Variants in SOHLH2 observed in about 807,000 individuals in gnomAD.
SOHLH2 encodes spermatogenesis and oogenesis specific basic helix-loop-helix 2, also known as spermatogenesis- and oogenesis-specific basic helix-loop-helix-containing protein 2.
SOHLH2 carries 22 observed loss-of-function variants against 50.4 expected under a neutral mutation model. The observed-to-expected ratio is 0.44, with a 90% CI of 0.31 to 0.62. SOHLH2 has a LOEUF of 0.62. Ranked by LOEUF, SOHLH2 falls within the 20% of genes least tolerant of loss-of-function variation. SOHLH2 has a pLI of 0.08. For missense variants in SOHLH2, 412 were observed against 504.4 expected, an observed-to-expected ratio of 0.82 and a Z score of 1.76; for synonymous variants, 185 against 187.3, an observed-to-expected ratio of 0.99 and a Z score of 0.10.
At chr13:36,195,686 G>A (rs751837092) in intron 2 of SOHLH2, among the ~76,000 whole-genome samples, 11 of 152,162 alleles carry the variant, frequency 7.2e-5, no homozygotes, top group Non-Finnish European at 8.8e-5. Flanking sequence ...TAAGGAAAGC[G>A]GGCATACCCG....
chr13:36,203,603 C>T (rs913110265), intron 1 of SOHLH2, among the ~76,000 whole-genome samples: 1 of 152,064 alleles, frequency 6.6e-6, no homozygotes, highest in East Asian at 1.9e-4. Flanking sequence ...TTTGCATACT[C>T]CAAAGGATAC....
intron 2 of SOHLH2, among the ~76,000 whole-genome samples, chr13:36,198,200 G>A (rs1049805522): frequency 6.6e-6 from 1 of 152,200 alleles, no homozygotes; most frequent in Non-Finnish European, 1.5e-5. Context: ...CTTTTCTGTT[G>A]CTAAACTGCT....
At chr13:36,208,995 T>C (rs2138331736) in intron 1 of SOHLH2, among the ~76,000 whole-genome samples, 1 of 152,320 alleles carries the variant, frequency 6.6e-6, no homozygotes, top group African/African-American at 2.4e-5. Context: ...AGTATATATC[T>C]TATTCATCCT....
intron 2 of SOHLH2, among the ~76,000 whole-genome samples, chr13:36,199,134 C>T (rs1304443054): frequency 6.6e-6 from 1 of 152,168 alleles, no homozygotes; most frequent in South Asian, 2.1e-4. Context: ...ACAAATGGGG[C>T]AGTACATGTA....
chr13:36,211,962 C>G (rs529048949), intron 1 of SOHLH2, among the ~76,000 whole-genome samples: 1 of 152,280 alleles, frequency 6.6e-6, no homozygotes, highest in South Asian at 2.1e-4. Context: ...TAGAAATCAA[C>G]TGCCTAGCTT....
chr13:36,203,728 T>C (rs1179697254), intron 1 of SOHLH2, among the ~76,000 whole-genome samples: 1 of 152,190 alleles, frequency 6.6e-6, no homozygotes, highest in African/African-American at 2.4e-5. Flanking sequence ...AAAAATCTTA[T>C]CCTTTTTATT....
chr13:36,191,721 C>T, intron 5 of SOHLH2, 74 bp downstream of exon 5: 1 of 1,581,172 alleles, frequency 6.3e-7, no homozygotes, highest in South Asian at 1.1e-5. Flanking sequence ...TGCTGCACCC[C>T]TCTTCCACAA....
At chr13:36,178,053 C>T (rs1048259847) in intron 6 of SOHLH2, among the ~76,000 whole-genome samples, 5 of 151,486 alleles carry the variant, frequency 3.3e-5, no homozygotes, top group South Asian at 2.1e-4. Context: ...AGTCAATAGA[C>T]GTGAGTCTAT....
At chr13:36,189,873 C>T (rs1036558250) in intron 6 of SOHLH2, 73 bp downstream of exon 6, 7 of 1,392,628 alleles carry the variant, frequency 5.0e-6, no homozygotes, top group Admixed American at 2.5e-5. Context: ...AATAATACTA[C>T]AAAAAATTAT....
At chr13:36,214,330 T>A in intron 1 of SOHLH2, 149 bp downstream of exon 1, 1 of 994,798 alleles carries the variant, frequency 1.0e-6, no homozygotes, top group Non-Finnish European at 1.4e-6. Context: ...ACTCGCGTCC[T>A]GGAAGGGGCC....
In SOHLH2 at chr13:36,169,057, G is replaced by A. The variant is rs778190453; in HGVS notation, c.1258-3C>T. 6.2e-7 allele frequency: 1 copy of A among 1,605,784 alleles called. No homozygotes were observed. The highest frequency in any genetic ancestry group is 1.1e-5 in the South Asian group (1 of 89,490). ...TTTTAATACGCCCAAAACTGTTGCT[G>A]CAAAGAAGGGGGAAAAACCCACATT... On this transcript the variant is annotated splice_polypyrimidine_tract_variant and splice_region_variant and intron_variant, in intron 10 of 10. Coordinates refer to ENST00000379881, the MANE Select transcript of SOHLH2 (RefSeq NM_017826.3).
intron 6 of SOHLH2, chr13:36,182,300 AG>A: frequency 1.0e-6 from 1 of 985,256 alleles, no homozygotes; most frequent in East Asian, 1.1e-4. Context: ...TGGGTTAAAA[AG>A]ATAAGAGTTA....
At chr13:36,180,782 T>A (rs1174206556) in intron 6 of SOHLH2, among the ~76,000 whole-genome samples, 15 of 152,160 alleles carry the variant, frequency 9.9e-5, no homozygotes, top group Admixed American at 9.8e-4. Flanking sequence ...GCTTCTTATA[T>A]CCCCACCGGT....
chr13:36,200,330 G>A (rs145539930), intron 2 of SOHLH2, among the ~76,000 whole-genome samples: 1 of 152,210 alleles, frequency 6.6e-6, no homozygotes, highest in African/African-American at 2.4e-5. Context: ...GAGGTAGATA[G>A]TTTGCCTGAT....
intron 2 of SOHLH2, among the ~76,000 whole-genome samples, chr13:36,194,186 A>G (rs1475625726): frequency 6.6e-6 from 1 of 152,008 alleles, no homozygotes; most frequent in Non-Finnish European, 1.5e-5. Flanking sequence ...AGAATCTAGA[A>G]TGGGGGGAAT....
At chr13:36,208,044 A>C (rs1566047585) in intron 1 of SOHLH2, among the ~76,000 whole-genome samples, 3 of 152,228 alleles carry the variant, frequency 2.0e-5, no homozygotes. Context: ...CTCAATGGAA[A>C]GGGACTAAAG....
chr13:36,182,046 T>C, intron 6 of SOHLH2: 2 of 981,824 alleles, frequency 2.0e-6, no homozygotes, highest in African/African-American at 1.7e-5. Context: ...TAAAAACCAA[T>C]AGTATATATT....
chr13:36,188,049 C>T (rs2138292320), intron 6 of SOHLH2, among the ~76,000 whole-genome samples: 1 of 152,282 alleles, frequency 6.6e-6, no homozygotes, highest in South Asian at 2.1e-4. Flanking sequence ...TCCAATGACA[C>T]TAAAACTACT....
At chr13:36,194,792 T>A (rs892760314) in intron 2 of SOHLH2, among the ~76,000 whole-genome samples, 11 of 152,206 alleles carry the variant, frequency 7.2e-5, no homozygotes, top group South Asian at 2.1e-4. Context: ...AAAAGCAAAC[T>A]ATTCTCAAAT....
Sources: gnomAD v4.1 joint callset for allele counts (sites outside exome capture counted in the v4.1 genomes callset) on GRCh38, gnomAD v4.1.1 for gene constraint, MANE v1.5 for transcripts, NCBI Gene and HGNC (gene_info 2026-07-23, HGNC 2026-07-21) for gene names.